The following FHIT variants were observed in gnomAD, a reference collection of about 807,000 sequenced individuals.
The protein encoded by FHIT is bis(5'-adenosyl)-triphosphatase.
Under a neutral mutation model 17.9 loss-of-function variants are expected in FHIT, and 19 were observed. The ratio of observed to expected loss-of-function variants is 1.06; its 90% confidence interval spans 0.74 to 1.56. The LOEUF (loss-of-function observed/expected upper bound fraction) is 1.56. Ranked by LOEUF, FHIT falls within the 40% of genes most tolerant of loss-of-function variation. FHIT has a pLI of 0.00. For synonymous variants in FHIT, 81 were observed against 69.7 expected (o/e 1.16, Z -0.81); for missense variants, 248 against 189.2 (o/e 1.31, Z -1.82).
intron 2 of FHIT, among the ~76,000 whole-genome samples, chr3:61,049,175 A>G (rs770938816): frequency 5.9e-5 from 9 of 151,570 alleles, no homozygotes; most frequent in Non-Finnish European, 1.2e-4. Context: ...ATAATGACAC[A>G]TGCATGAAAA....
intron 5 of FHIT, among the ~76,000 whole-genome samples, chr3:60,135,307 A>G (rs1211415351): frequency 1.3e-5 from 2 of 152,052 alleles, no homozygotes; most frequent in African/African-American, 4.8e-5. Flanking sequence ...AATAGCATAA[A>G]TATAAGATTA....
chr3:60,269,415 C>T (rs897347384), intron 5 of FHIT, among the ~76,000 whole-genome samples: 1 of 152,174 alleles, frequency 6.6e-6, no homozygotes, highest in African/African-American at 2.4e-5. Flanking sequence ...GGATCACCTG[C>T]TGGCTGTTCT....
chr3:61,003,845 T>G (rs1164920295), intron 3 of FHIT, among the ~76,000 whole-genome samples: 2 of 152,230 alleles, frequency 1.3e-5, no homozygotes, highest in East Asian at 3.8e-4. Flanking sequence ...AGAAGAGAAA[T>G]CTGGCATGTC....
chr3:61,045,651 TA>T (rs1258585290), intron 2 of FHIT, among the ~76,000 whole-genome samples: 2 of 152,210 alleles, frequency 1.3e-5, no homozygotes, highest in Non-Finnish European at 1.5e-5. Flanking sequence ...AATAGACATC[TA>T]CAGAACTCTC....
intron 5 of FHIT, among the ~76,000 whole-genome samples, chr3:60,105,969 T>C (rs1704390817): frequency 6.6e-6 from 1 of 152,190 alleles, no homozygotes; most frequent in Non-Finnish European, 1.5e-5. Flanking sequence ...AAATATTAAA[T>C]GGAAAATCCC....
intron 5 of FHIT, among the ~76,000 whole-genome samples, chr3:60,467,522 T>G (rs761444788): frequency 6.6e-6 from 1 of 152,078 alleles, no homozygotes; most frequent in Non-Finnish European, 1.5e-5. Flanking sequence ...ACATTGCGTT[T>G]CCATTTTCAT....
In FHIT at chr3:59,989,036, T is replaced by G. The variant is rs186946867; in HGVS notation, c.279+22335A>C. Among the ~76,000 whole-genome samples the G allele has an allele frequency of 1.7e-4, 26 of 152,134 alleles. No individual in the cohort carries two copies. In the East Asian group the frequency reaches 5.1e-3, roughly 30 times the overall value. Reference sequence around the variant, plus strand: ...ATTGAGGAGCAGTTTGGGGTAGGGATGATGGAGGTCTGGCCATTAGACTCA... The same window carrying G: ...ATTGAGGAGCAGTTTGGGGTAGGGAGGATGGAGGTCTGGCCATTAGACTCA... On this transcript the variant is annotated intron_variant, in intron 7 of 9. Coordinates refer to ENST00000492590, the MANE Select transcript of FHIT (RefSeq NM_002012.4).
chr3:60,191,466 T>C (rs911043323), intron 5 of FHIT, among the ~76,000 whole-genome samples: 4 of 152,134 alleles, frequency 2.6e-5, no homozygotes, highest in Non-Finnish European at 5.9e-5. Flanking sequence ...GAAATGAACA[T>C]ACCATACGAA....
chr3:60,901,918 G>A (rs868938956), intron 3 of FHIT, among the ~76,000 whole-genome samples: 12 of 152,042 alleles, frequency 7.9e-5, no homozygotes, highest in African/African-American at 1.9e-4. Flanking sequence ...TTTTGTCCTC[G>A]CGTTGGGGAT....
At chr3:60,624,346 G>T (rs2039222311) in intron 4 of FHIT, among the ~76,000 whole-genome samples, 1 of 152,198 alleles carries the variant, frequency 6.6e-6, no homozygotes, top group Non-Finnish European at 1.5e-5. Flanking sequence ...GCAAGATTTG[G>T]CAGAGGACAG....
intron 3 of FHIT, among the ~76,000 whole-genome samples, chr3:60,925,571 G>C (rs1317855425): frequency 6.6e-6 from 1 of 152,122 alleles, no homozygotes; most frequent in Non-Finnish European, 1.5e-5. Context: ...CACTAAACAT[G>C]GAAAGGAACA....
At chr3:61,036,255 T>C (rs1238755467) in intron 3 of FHIT, among the ~76,000 whole-genome samples, 1 of 152,098 alleles carries the variant, frequency 6.6e-6, no homozygotes, top group Non-Finnish European at 1.5e-5. Flanking sequence ...TCTCCAAAAC[T>C]CACTCACTAT....
intron 8 of FHIT, among the ~76,000 whole-genome samples, chr3:59,819,109 A>T (rs945752468): frequency 6.6e-6 from 1 of 152,230 alleles, no homozygotes; most frequent in African/African-American, 2.4e-5. Flanking sequence ...GTTGCATCTT[A>T]TAGTTTAAAC....
intron 2 of FHIT, among the ~76,000 whole-genome samples, chr3:61,188,133 GA>G (rs1391026198): frequency 6.6e-6 from 1 of 152,158 alleles, no homozygotes; most frequent in East Asian, 1.9e-4. Context: ...AAAAATTAAT[GA>G]ATCCAGGAGC....
chr3:59,836,194 A>T (rs1701334251), intron 8 of FHIT, among the ~76,000 whole-genome samples: 1 of 152,192 alleles, frequency 6.6e-6, no homozygotes, highest in South Asian at 2.1e-4. Flanking sequence ...TAGATGCTGC[A>T]GGAGACTAGA....
At chr3:59,887,886 T>G (rs927207372) in intron 8 of FHIT, among the ~76,000 whole-genome samples, 8 of 152,168 alleles carry the variant, frequency 5.3e-5, no homozygotes, top group African/African-American at 1.7e-4. Flanking sequence ...GTCCATGGTC[T>G]CTCCCTGGAT....
intron 8 of FHIT, among the ~76,000 whole-genome samples, chr3:59,904,223 T>C (rs982926384): frequency 3.2e-5 from 3 of 95,166 alleles, no homozygotes; most frequent in Non-Finnish European, 6.4e-5. Flanking sequence ...CATAAAATCA[T>C]GGTTAAAAAA....
At chr3:59,813,362 C>A (rs562981412) in intron 8 of FHIT, among the ~76,000 whole-genome samples, 2 of 152,266 alleles carry the variant, frequency 1.3e-5, no homozygotes, top group African/African-American at 4.8e-5. Flanking sequence ...TTCTGGCTCT[C>A]GATAAGGTTC....
At chr3:60,382,410 G>A (rs1700838434) in intron 5 of FHIT, among the ~76,000 whole-genome samples, 1 of 152,158 alleles carries the variant, frequency 6.6e-6, no homozygotes, top group Admixed American at 6.5e-5. Context: ...TTTTTCTTCA[G>A]GCATACAGAG....
Sources: allele counts gnomAD v4.1 joint callset (sites outside exome capture counted in the v4.1 genomes callset), GRCh38; gene constraint gnomAD v4.1.1; transcripts MANE v1.5; gene names NCBI Gene and HGNC (gene_info 2026-07-23, HGNC 2026-07-21).